C3orf52: variants seen among roughly 807,000 people sequenced by gnomAD.
The protein encoded by C3orf52 is chromosome 3 open reading frame 52.
Under a neutral mutation model 24.8 loss-of-function variants are expected in C3orf52, and 22 were observed. The ratio of observed to expected loss-of-function variants is 0.89; its 90% CI spans 0.63 to 1.27. C3orf52 has a LOEUF of 1.27. Ranked by LOEUF, C3orf52 falls within the 50% of genes most tolerant of loss-of-function variation. The pLI is 0.00. For synonymous variants in C3orf52, 93 were observed against 100.2 expected (o/e 0.93, Z 0.43); for missense variants, 265 against 260.7 (o/e 1.02, Z -0.11).
At chr3:112,086,585 G>A (rs891331393) in intron 1 of C3orf52, 40 bp downstream of exon 1, 7 of 1,466,836 alleles carry the variant, frequency 4.8e-6, no homozygotes, top group African/African-American at 3.2e-5. Flanking sequence ...TGCCGGCGGC[G>A]GGACAGTAGT....
At chr3:112,113,608 G>T (rs1363696722) in intron 5 of C3orf52, among the ~76,000 whole-genome samples, 1 of 152,132 alleles carries the variant, frequency 6.6e-6, no homozygotes, top group Non-Finnish European at 1.5e-5. Flanking sequence ...TCTGTTGAAG[G>T]CCACTGAGAC....
chr3:112,135,706 C>G (rs2074544617), downstream of C3orf52, among the ~76,000 whole-genome samples: 1 of 152,168 alleles, frequency 6.6e-6, no homozygotes, highest in Non-Finnish European at 1.5e-5. Flanking sequence ...CAGAGAGCCT[C>G]CTTATTATAT....
downstream of C3orf52, among the ~76,000 whole-genome samples, chr3:112,119,862 G>C (rs776193292): frequency 6.6e-6 from 1 of 152,176 alleles, no homozygotes; most frequent in Non-Finnish European, 1.5e-5. Flanking sequence ...ATCAAATTCT[G>C]GAGAGCTGGG....
chr3:112,124,436 C>G (rs1348639645), intron 4 of C3orf52, among the ~76,000 whole-genome samples: 1 of 152,072 alleles, frequency 6.6e-6, no homozygotes, highest in African/African-American at 2.4e-5. Flanking sequence ...TGGTGAAACC[C>G]CATTTCTACT....
chr3:112,107,253 G>A (rs1451944178), intron 3 of C3orf52, among the ~76,000 whole-genome samples: 1 of 152,174 alleles, frequency 6.6e-6, no homozygotes, highest in Non-Finnish European at 1.5e-5. Context: ...TGGAAGGAAG[G>A]ATAAATATCA....
Position 112,117,743 on chromosome 3 carries a change from A to G in C3orf52, c.*1097A>G, listed in dbSNP as rs1444082089. 1 of 152,218 alleles carries G rather than the reference A, an allele frequency of 6.6e-6. No individual in the cohort carries two copies. The highest frequency in any genetic ancestry group is 1.5e-5 in the Non-Finnish European group (1 of 68,044). 9.4% of individuals were successfully genotyped at this position (152,218 alleles called of 1,614,324 possible). A position where few individuals can be genotyped will look rare whatever the true frequency, so the allele number is the denominator to read the frequency against. ...TTTGGGGGGTAGGAGGAATATTAGC[A>G]ACTGTATTGGTTGTCTACAGATACA... On this transcript the variant is annotated 3_prime_UTR_variant, in exon 6 of 6. Transcript: ENST00000264848.
chr3:112,121,157 G>A (rs2074190332), downstream of C3orf52: 1 of 151,928 alleles, frequency 6.6e-6, no homozygotes, highest in African/African-American at 2.4e-5. Context: ...ATACTGTTTG[G>A]GACAGATAAT....
At chr3:112,108,030 A>G (rs913164260) in intron 3 of C3orf52, among the ~76,000 whole-genome samples, 5 of 152,236 alleles carry the variant, frequency 3.3e-5, no homozygotes, top group South Asian at 2.1e-4. Context: ...GGGATGGCAC[A>G]TGTTCCTAGT....
chr3:112,130,242 A>G (rs2074420804), downstream of C3orf52: 3 of 594,058 alleles, frequency 5.1e-6, no homozygotes, highest in East Asian at 8.3e-5. Flanking sequence ...TAGGAGTTAC[A>G]TTAGGCTTCT....
Position 112,113,106 on chromosome 3 carries a change from G to A in C3orf52, c.610G>A (p.Glu204Lys). 6.2e-7 allele frequency: 1 copy of A among 1,611,154 alleles called. No homozygotes were observed. Among genetic ancestry groups the A allele is most frequent in the Non-Finnish European group, 8.5e-7 (1 of 1,178,740 alleles). The change falls in exon 5 of 6, where the codon GAG (glutamate) becomes AAG (lysine). Residue 204 changes from glutamate to lysine, a missense_variant. Glu to Lys is a moderately conservative substitution (Grantham distance 56). Transcript: ENST00000264848. ...CCGTGATCAGAATATACCTGGTTGT[G>A]AGAGTCTGGGGCTTGATCCAACATC... is the stretch of plus-strand genomic sequence containing the variant. ...DFRDQNIPGC[E>K]SLGLDPTSLL...
chr3:112,103,072 C>A, intron 3 of C3orf52, 107 bp downstream of exon 3: 5 of 985,224 alleles, frequency 5.1e-6, no homozygotes, highest in Non-Finnish European at 7.6e-6. Flanking sequence ...ATTTTGGATT[C>A]TTTGTCTGGA....
chr3:112,092,435 G>A (rs1367914470), intron 1 of C3orf52, among the ~76,000 whole-genome samples: 1 of 152,182 alleles, frequency 6.6e-6, no homozygotes, highest in Non-Finnish European at 1.5e-5. Context: ...AGTAGGAGAA[G>A]AGTCATGGGA....
At position 112,093,340 on chromosome 3, in the gene C3orf52, A is replaced by G. The variant is rs770000005; in HGVS notation, c.139-20A>G. The G allele has an allele frequency of 1.2e-5, 19 of 1,612,812 alleles. No homozygotes were observed. The highest frequency in any genetic ancestry group is 1.6e-5 in the Non-Finnish European group (19 of 1,179,310). ...GTTGCAACACAATGACTGCCTCACA[A>G]TCTCCCTCTGCCTTTCTAGGCTAAC... On this transcript the variant is annotated intron_variant, in intron 1 of 5. Coordinates refer to ENST00000264848, the MANE Select transcript of C3orf52 (RefSeq NM_024616.3).
downstream of C3orf52, chr3:112,134,742 T>C (rs1456552735): frequency 2.0e-5 from 3 of 153,120 alleles, no homozygotes; most frequent in African/African-American, 4.8e-5. Context: ...CTGATCTTCA[T>C]TGAGTGAATT....
At chr3:112,086,755 C>T (rs1468604661) in intron 1 of C3orf52, among the ~76,000 whole-genome samples, 1 of 152,194 alleles carries the variant, frequency 6.6e-6, no homozygotes, top group Non-Finnish European at 1.5e-5. Context: ...TGGGGTCCTC[C>T]AACCCCTCTG....
chr3:112,112,532 G>A (rs2107788694), intron 4 of C3orf52: 1 of 188,366 alleles, frequency 5.3e-6, no homozygotes, highest in South Asian at 1.1e-4. Context: ...AATATCCCTG[G>A]CACACCTTTG....
At chr3:112,111,488 T>G (rs913352350) in intron 4 of C3orf52, 1 of 152,284 alleles carries the variant, frequency 6.6e-6, no homozygotes, top group African/African-American at 2.4e-5. Context: ...GGTGGGCAGC[T>G]GGGCGAAAGG....
At chr3:112,125,373 C>T in intron 4 of C3orf52, 2 of 712,300 alleles carry the variant, frequency 2.8e-6, no homozygotes, top group East Asian at 2.6e-5. Context: ...TAGCTCTTCT[C>T]AGGCTATTCT....
At chr3:112,130,641 C>T (rs539113145), downstream of C3orf52, 190 of 811,052 alleles carry the variant, frequency 2.3e-4, 1 homozygote, top group African/African-American at 2.7e-3. Context: ...TGGTTGCCCT[C>T]ACACATGTTA....
Sources: allele counts gnomAD v4.1 joint callset (sites outside exome capture counted in the v4.1 genomes callset), GRCh38; gene constraint gnomAD v4.1.1; transcripts MANE v1.5; gene names NCBI Gene and HGNC (gene_info 2026-07-23, HGNC 2026-07-21).